Variants in UTP20 observed in about 807,000 individuals in gnomAD.
UTP20 encodes the protein small subunit processome component 20 homolog.
Under a neutral mutation model 329.5 loss-of-function variants are expected in UTP20, and 164 were observed. That is an observed-to-expected ratio of 0.50 (90% CI 0.44 to 0.57). UTP20 has a LOEUF of 0.57. Ranked by LOEUF, UTP20 falls within the 20% of genes least tolerant of loss-of-function variation. The pLI is 0.00. For synonymous variants in UTP20, 1,151 were observed against 1,159.3 expected (o/e 0.99, Z 0.14); for missense variants, 3,055 against 3,284.2 (o/e 0.93, Z 1.71).
intron 37 of UTP20, among the ~76,000 whole-genome samples, chr12:101,346,140 C>A (rs1869315376): frequency 6.6e-6 from 1 of 152,130 alleles, no homozygotes; most frequent in African/African-American, 2.4e-5. Flanking sequence ...TAACCTCCGC[C>A]TCCAGGGTTC....
intron 38 of UTP20, among the ~76,000 whole-genome samples, chr12:101,348,274 T>C (rs749919218): frequency 1.3e-5 from 2 of 152,260 alleles, no homozygotes; most frequent in Non-Finnish European, 2.9e-5. Flanking sequence ...TCACATTTAA[T>C]ATGATTATTT....
intron 37 of UTP20, 137 bp downstream of exon 37, chr12:101,345,831 T>C: frequency 2.6e-6 from 2 of 783,110 alleles, no homozygotes; most frequent in Non-Finnish European, 1.9e-6. Flanking sequence ...ATGATCATCA[T>C]TGAAATTTGT....
intron 58 of UTP20, among the ~76,000 whole-genome samples, chr12:101,381,943 G>A (rs944755891): frequency 6.6e-6 from 1 of 150,900 alleles, no homozygotes; most frequent in African/African-American, 2.4e-5. Context: ...CACTTGAACT[G>A]GGGAGGCAGA....
rs552660501 is a variant in UTP20 at position 101,329,309 on chromosome 12, C to T, written c.3277C>T (p.Arg1093Cys). ...LDLSKVLPLG[R>C]QHGILNSLEI... is the part of the protein sequence containing the mutation. ...TTTGTCTAAAGTTCTTCCTTTAGGT[C>T]GTCAGCACGGTATCTTAAACAGCCT... Residue 1093 changes from arginine to cysteine, a missense_variant, in exon 27 of 62, where the codon CGT becomes TGT. Physicochemically the swap from Arg to Cys is radical, Grantham distance 180. Transcript: ENST00000261637. 6.2e-6 allele frequency: 10 copies of T among 1,613,940 alleles called. No homozygotes were observed. In the East Asian group the frequency reaches 1.3e-4, roughly 22 times the overall value.
chr12:101,381,182 A>G lies in UTP20; in HGVS notation c.7627A>G (p.Lys2543Glu), dbSNP rs758688020. 1.2e-6 allele frequency: 2 copies of G among 1,614,030 alleles called. No individual in the cohort carries two copies. The highest frequency in any genetic ancestry group is 2.2e-5 in the South Asian group (2 of 91,076). ...CGCCTCTTGCCATCAATTGCATTCC[A>G]AATTCTTGGATCAGTCTCTAGGAGA... The part of the protein sequence containing the change: ...SLASCHQLHS[K>E]FLDQSLGEQV... Residue 2543 changes from lysine (K) to glutamate (E), a missense_variant, in exon 58 of 62, where the codon AAA becomes GAA. By Grantham distance (56) the Lys-to-Glu change is moderately conservative (BLOSUM62 1). This residue lies in a region of UTP20 where 337 missense variants were observed against 345.5 expected (regional missense o/e 0.98). Transcript: ENST00000261637.
chr12:101,299,793 C>G lies in UTP20; in HGVS notation c.1542C>G (p.Tyr514Ter). 4 of 1,612,914 alleles carry G rather than the reference C, an allele frequency of 2.5e-6. No homozygotes were observed. The highest frequency in any genetic ancestry group is 3.4e-6 in the Non-Finnish European group (4 of 1,179,630). Residue 514 changes from tyrosine (Y) to a stop codon, truncating the protein, a stop_gained, in exon 13 of 62, where the codon TAC (tyrosine) becomes TAG (stop). Coordinates refer to ENST00000261637, the MANE Select transcript of UTP20 (RefSeq NM_014503.3). LOFTEE classifies it high-confidence loss of function. ...TACCCCCAAATAAAGATACTACTTA[C>G]CTTTCACAATCTTGGGCAGCCCTCG... The part of the protein sequence containing the change: ...IKLPPNKDTT[Y>*]LSQSWAALVV...
At chr12:101,372,802 A>G in intron 51 of UTP20, 82 bp from the exon 52 acceptor site, 1 of 1,115,868 alleles carries the variant, frequency 9.0e-7, no homozygotes, top group Non-Finnish European at 1.4e-6. Flanking sequence ...ATAACCTACC[A>G]GTGAGTTCCA....
In UTP20 at chr12:101,356,708, A is replaced by AAATGG; in HGVS notation, c.5534+18_5534+19insGGAAT. Reference sequence around the variant, plus strand: ...AATCTGCCAAGGTATGTTTTTTAACAAATTAGAAGTTTAGTGAAACTCAAA... The same window carrying AAATGG: ...AATCTGCCAAGGTATGTTTTTTAACAAATGGAATTAGAAGTTTAGTGAAACTCAAA... On this transcript the variant is annotated intron_variant, in intron 42 of 61. Coordinates refer to ENST00000261637, the MANE Select transcript of UTP20 (RefSeq NM_014503.3). 1 of 1,594,344 alleles carries AAATGG rather than the reference A, an allele frequency of 6.3e-7. No individual in the cohort carries two copies. Among genetic ancestry groups the AAATGG allele is most frequent in the Non-Finnish European group, 8.5e-7 (1 of 1,173,500 alleles).
chr12:101,356,501 A>G (rs1161075371), intron 41 of UTP20, 53 bp from the exon 42 acceptor site: 18 of 1,456,016 alleles, frequency 1.2e-5, no homozygotes. Flanking sequence ...CAGTGTTGGT[A>G]GATCACTGAT....
intron 19 of UTP20, 93 bp from the exon 20 acceptor site, chr12:101,311,626 A>G: frequency 2.7e-6 from 3 of 1,127,220 alleles, no homozygotes; most frequent in Non-Finnish European, 3.8e-6. Context: ...TTGACATTTT[A>G]GTTATATCCT....
At chr12:101,324,476 C>T (rs983465954) in intron 25 of UTP20, among the ~76,000 whole-genome samples, 1 of 151,998 alleles carries the variant, frequency 6.6e-6, no homozygotes, top group African/African-American at 2.4e-5. Context: ...GAGATGTTGT[C>T]CCGGCTGGTC....
intron 30 of UTP20, 132 bp downstream of exon 30, chr12:101,338,409 T>C (rs1391290727): frequency 1.3e-5 from 11 of 820,652 alleles, no homozygotes; most frequent in South Asian, 1.8e-5. Context: ...CCCTGGGAAC[T>C]AATACTAATT....
At chr12:101,312,299 A>G (rs560447999) in intron 21 of UTP20, 23 bp downstream of exon 21, 189 of 1,612,028 alleles carry the variant, frequency 1.2e-4, no homozygotes, top group Non-Finnish European at 1.5e-4. Flanking sequence ...TTCTAAGAAT[A>G]TGTCCCTGGT....
intron 27 of UTP20, among the ~76,000 whole-genome samples, chr12:101,331,276 T>G (rs983666062): frequency 6.6e-6 from 1 of 152,144 alleles, no homozygotes; most frequent in Non-Finnish European, 1.5e-5. Flanking sequence ...GGGTGGTTGG[T>G]GGGAATGGGA....
At position 101,386,065 on chromosome 12, in the gene UTP20, G is replaced by A. The variant is rs1391070238; in HGVS notation, c.8300G>A (p.Gly2767Glu). Reference protein sequence around the residue: ...KKRKIEFLRPGYKAKRQKSHS... With the variant: ...KKRKIEFLRPEYKAKRQKSHS... ...AGAAAGATAGAGTTCCTGCGTCCAGGATATAAGGCCAAGAGACAAAAAAGC... is the reference window on the plus strand; with the variant it reads ...AGAAAGATAGAGTTCCTGCGTCCAGAATATAAGGCCAAGAGACAAAAAAGC... Residue 2767 changes from glycine (G) to glutamate (E), a missense_variant, in exon 62 of 62, where the codon GGA becomes GAA. By Grantham distance (98) the Gly-to-Glu change is moderately conservative (BLOSUM62 -2). This residue lies in a region of UTP20 where 337 missense variants were observed against 345.5 expected (regional missense o/e 0.98). Coordinates refer to ENST00000261637, the MANE Select transcript of UTP20 (RefSeq NM_014503.3). 6.2e-7 allele frequency: 1 copy of A among 1,609,110 alleles called. No homozygotes were observed. The highest frequency in any genetic ancestry group is 1.3e-5 in the African/African-American group (1 of 74,326).
intron 4 of UTP20, 36 bp downstream of exon 4, chr12:101,285,917 T>C: frequency 6.3e-7 from 1 of 1,597,466 alleles, no homozygotes; most frequent in Non-Finnish European, 8.5e-7. Flanking sequence ...CACAACTATA[T>C]TTGCCTGAAT....
At position 101,327,138 on chromosome 12, in the gene UTP20, T is replaced by C; in HGVS notation, c.3099T>C (p.Ala1033=). Residue 1033 remains alanine, a synonymous_variant, in exon 26 of 62, where the codon GCT becomes GCC. Coordinates refer to ENST00000261637, the MANE Select transcript of UTP20 (RefSeq NM_014503.3). ...KTGSKTQGKS[A]SGTRMAIVLR... ...GGAGTAAAACTCAGGGGAAATCTGCTTCAGGCACCCGCATGGCCATTGTCC... is the reference window on the plus strand; with the variant it reads ...GGAGTAAAACTCAGGGGAAATCTGCCTCAGGCACCCGCATGGCCATTGTCC... 1.9e-6 allele frequency: 3 copies of C among 1,613,220 alleles called. No individual in the cohort carries two copies. In the South Asian group the frequency reaches 3.3e-5, roughly 18 times the overall value.
At chr12:101,350,156 T>C (rs1309467847) in intron 38 of UTP20, among the ~76,000 whole-genome samples, 3 of 152,192 alleles carry the variant, frequency 2.0e-5, no homozygotes, top group African/African-American at 7.2e-5. Context: ...GAGAATTTTA[T>C]AAATTATTGC....
At chr12:101,295,395 G>C in intron 11 of UTP20, 85 bp from the exon 12 acceptor site, 1 of 1,261,400 alleles carries the variant, frequency 7.9e-7, no homozygotes, top group Non-Finnish European at 1.1e-6. Context: ...TTGATCCTTT[G>C]TTTTTGGTCT....
Sources: gnomAD v4.1 joint callset for allele counts (sites outside exome capture counted in the v4.1 genomes callset) on GRCh38, gnomAD v4.1.1 for gene constraint, gnomAD v4.1.1 regional missense constraint, MANE v1.5 for transcripts, NCBI Gene and HGNC (gene_info 2026-07-23, HGNC 2026-07-21) for gene names.